The following TMEM135 variants were observed in gnomAD, a reference collection of about 807,000 sequenced individuals.
The protein encoded by TMEM135 is peroxisomal membrane protein 52.
Under a neutral mutation model 60.3 loss-of-function variants are expected in TMEM135, and 30 were observed. That is an observed-to-expected ratio of 0.50 (90% CI 0.37 to 0.68). TMEM135 has a LOEUF of 0.68. TMEM135 is among the 30% of genes least tolerant of loss of function. The pLI, the probability that TMEM135 is intolerant of heterozygous loss-of-function variation, is 0.00. For missense variants in TMEM135, 468 were observed against 548.8 expected (o/e 0.85, Z 1.47); for synonymous variants, 190 against 186.7 (o/e 1.02, Z -0.14).
intron 6 of TMEM135, among the ~76,000 whole-genome samples, chr11:87,260,110 T>C (rs1027274017): frequency 2.0e-5 from 3 of 152,220 alleles, no homozygotes; most frequent in Non-Finnish European, 4.4e-5. Context: ...TTTATGGTTT[T>C]GAGCTCTTTG....
At chr11:87,062,620 G>A (rs947445595) in intron 1 of TMEM135, among the ~76,000 whole-genome samples, 1 of 150,888 alleles carries the variant, frequency 6.6e-6, no homozygotes, top group Non-Finnish European at 1.5e-5. Flanking sequence ...GCCTGCCACT[G>A]TGCCCGGCTA....
At chr11:87,301,112 C>A (rs1372319025) in intron 7 of TMEM135, among the ~76,000 whole-genome samples, 1 of 152,152 alleles carries the variant, frequency 6.6e-6, no homozygotes, top group Non-Finnish European at 1.5e-5. Flanking sequence ...CAAACAAAAC[C>A]CTTGCACACC....
chr11:87,327,807 G>T lies in TMEM135; in HGVS notation c.*6474G>T, dbSNP rs1412471713. 2.2e-6 allele frequency: 1 copy of T among 453,922 alleles called. No homozygotes were observed. Among genetic ancestry groups the T allele is most frequent in the African/African-American group, 2.0e-5 (1 of 49,972 alleles). 28.1% of individuals were successfully genotyped at this position (453,922 alleles called of 1,614,324 possible). A position where few individuals can be genotyped will look rare whatever the true frequency, so the allele number is the denominator to read the frequency against. On this transcript the variant is annotated 3_prime_UTR_variant, in exon 15 of 15. Transcript: ENST00000305494. The stretch of plus-strand genomic sequence containing the variant: ...TAGTTTTAAGTCCTGGAGTCCCAAG[G>T]TTAGAGGATCTGGGGTCCTAATGTC...
chr11:87,057,807 GTGTGTGTGTT>G (rs1306815207), intron 1 of TMEM135, among the ~76,000 whole-genome samples: 2 of 151,812 alleles, frequency 1.3e-5, no homozygotes, highest in Admixed American at 6.6e-5. Context: ...GTGTGTGTGT[GTGTGTGTGTT>G]TGTGTGTGTG....
chr11:87,131,395 G>C (rs1937926694), intron 4 of TMEM135, among the ~76,000 whole-genome samples: 1 of 130,162 alleles, frequency 7.7e-6, no homozygotes, highest in Non-Finnish European at 1.6e-5. Flanking sequence ...TTCAGAATGG[G>C]AGAATTGTTT....
At chr11:87,073,842 A>G (rs1451949867) in intron 3 of TMEM135, among the ~76,000 whole-genome samples, 3 of 151,776 alleles carry the variant, frequency 2.0e-5, no homozygotes, top group Non-Finnish European at 4.4e-5. Flanking sequence ...TAATTTTTGT[A>G]TTTTTAGTAG....
chr11:87,148,594 G>A (rs1327556108), intron 4 of TMEM135, among the ~76,000 whole-genome samples: 1 of 152,092 alleles, frequency 6.6e-6, no homozygotes, highest in Non-Finnish European at 1.5e-5. Flanking sequence ...TGCTGCCTCT[G>A]CCTTTCCCCT....
chr11:87,310,530 G>T (rs747088889), intron 10 of TMEM135, among the ~76,000 whole-genome samples: 2 of 151,346 alleles, frequency 1.3e-5, no homozygotes, highest in African/African-American at 4.9e-5. Flanking sequence ...CCTGGGTATT[G>T]GGATCAATCA....
intron 5 of TMEM135, among the ~76,000 whole-genome samples, chr11:87,217,824 C>G (rs1940535643): frequency 6.6e-6 from 1 of 151,228 alleles, no homozygotes; most frequent in African/African-American, 2.4e-5. Context: ...GGTTTGGTTG[C>G]CTGGTAAAGT....
chr11:87,279,406 G>A (rs541909130), intron 6 of TMEM135, among the ~76,000 whole-genome samples: 36 of 152,238 alleles, frequency 2.4e-4, no homozygotes, highest in Admixed American at 7.8e-4. Flanking sequence ...GACAGCAACT[G>A]CTATACCCTC....
At position 87,323,491 on chromosome 11, in the gene TMEM135, G is replaced by C. The variant is rs1471037143; in HGVS notation, c.*2158G>C. 2 of 453,784 alleles carry C rather than the reference G, an allele frequency of 4.4e-6. No homozygotes were observed. Among genetic ancestry groups the C allele is most frequent in the Non-Finnish European group, 8.8e-6 (2 of 226,680 alleles). 28.1% of individuals were successfully genotyped at this position (453,784 alleles called of 1,614,324 possible). A position where few individuals can be genotyped will look rare whatever the true frequency, so the allele number is the denominator to read the frequency against. On this transcript the variant is annotated 3_prime_UTR_variant, in exon 15 of 15. Coordinates refer to ENST00000305494, the MANE Select transcript of TMEM135 (RefSeq NM_022918.4). ...TCAGGTATTGATTGACAACTTTTTGGCATTATAAATAAAGTAAAATAGATC... is the reference window on the plus strand; with the variant it reads ...TCAGGTATTGATTGACAACTTTTTGCCATTATAAATAAAGTAAAATAGATC...
At chr11:87,111,952 T>G (rs1857762749) in intron 4 of TMEM135, among the ~76,000 whole-genome samples, 1 of 152,210 alleles carries the variant, frequency 6.6e-6, no homozygotes, top group Non-Finnish European at 1.5e-5. Flanking sequence ...CTGGGTTTAG[T>G]GCTTTTACTC....
At chr11:87,072,517 AT>A (rs1856790867) in intron 3 of TMEM135, among the ~76,000 whole-genome samples, 1 of 152,016 alleles carries the variant, frequency 6.6e-6, no homozygotes, top group African/African-American at 2.4e-5. Flanking sequence ...AGTAGCTGGG[AT>A]TACAGGCGCA....
rs747490678 is a variant in TMEM135 at position 87,328,630 on chromosome 11, T to A, written c.*7297T>A. Reference sequence around the variant, plus strand: ...TATTCCGGAGTTACTTTACTTAGAATAATGGCCTCCAGCTCCATCCAAGAT... The same window carrying A: ...TATTCCGGAGTTACTTTACTTAGAAAAATGGCCTCCAGCTCCATCCAAGAT... On this transcript the variant is annotated 3_prime_UTR_variant, in exon 15 of 15. Transcript: ENST00000305494. 1 of 454,108 alleles carries A rather than the reference T, an allele frequency of 2.2e-6. No homozygotes were observed. The highest frequency in any genetic ancestry group is 1.6e-5 in the South Asian group (1 of 64,484). The allele number at this position is 454,108 out of a possible 1,614,324, so 28.1% of individuals were successfully genotyped here. A position where few individuals can be genotyped will look rare whatever the true frequency, so the allele number is the denominator to read the frequency against.
chr11:87,040,319 C>CA (rs1791271927), intron 1 of TMEM135, among the ~76,000 whole-genome samples: 1 of 152,072 alleles, frequency 6.6e-6, no homozygotes, highest in South Asian at 2.1e-4. Flanking sequence ...TGTATACCCC[C>CA]ATGTACTAAG....
chr11:87,059,939 A>G (rs940274234), intron 1 of TMEM135, among the ~76,000 whole-genome samples: 1 of 151,876 alleles, frequency 6.6e-6, no homozygotes, highest in Non-Finnish European at 1.5e-5. Context: ...AATGGTGAAA[A>G]TCTGTCTCTA....
At chr11:87,130,383 C>A (rs952708573) in intron 4 of TMEM135, among the ~76,000 whole-genome samples, 9 of 152,084 alleles carry the variant, frequency 5.9e-5, no homozygotes, top group African/African-American at 2.2e-4. Context: ...CTAAGAGGGC[C>A]TGGATGAACA....
chr11:87,253,562 C>T (rs957748583), intron 6 of TMEM135, among the ~76,000 whole-genome samples: 1 of 150,082 alleles, frequency 6.7e-6, no homozygotes, highest in African/African-American at 2.4e-5. Flanking sequence ...TACAGTAGTT[C>T]CCAGAGGTTC....
At chr11:87,079,232 C>T (rs1032165861) in intron 3 of TMEM135, among the ~76,000 whole-genome samples, 2 of 152,092 alleles carry the variant, frequency 1.3e-5, no homozygotes, top group African/African-American at 2.4e-5. Context: ...TCTTGAACTC[C>T]CGACCTCAGG....
Sources: allele counts gnomAD v4.1 joint callset (sites outside exome capture counted in the v4.1 genomes callset), GRCh38; gene constraint gnomAD v4.1.1; transcripts MANE v1.5; gene names NCBI Gene and HGNC (gene_info 2026-07-23, HGNC 2026-07-21).